The following FOXN2 variants were observed in gnomAD, a reference collection of about 807,000 sequenced individuals.
FOXN2 encodes the protein forkhead box protein N2.
A neutral mutation model predicts 41.2 loss-of-function variants in FOXN2; 19 were observed. That is an observed-to-expected ratio of 0.46 (90% CI 0.32 to 0.68). The LOEUF (loss-of-function observed/expected upper bound fraction) is 0.68. FOXN2 is among the 30% of genes least tolerant of loss of function. FOXN2 has a pLI of 0.03. For synonymous variants in FOXN2, 195 were observed against 176.8 expected, an observed-to-expected ratio of 1.10 and a Z score of -0.82; for missense variants, 587 against 509.4, an observed-to-expected ratio of 1.15 and a Z score of -1.47.
chr2:48,314,445 A>AC (rs1285987142), upstream of FOXN2, among the ~76,000 whole-genome samples: 1 of 150,380 alleles, frequency 6.6e-6, no homozygotes, highest in Non-Finnish European at 1.5e-5. Context: ...CCTGCATTTC[A>AC]CCCCCACCCC....
At chr2:48,334,474 A>G (rs1231482107) in intron 2 of FOXN2, among the ~76,000 whole-genome samples, 3 of 144,232 alleles carry the variant, frequency 2.1e-5, no homozygotes, top group Admixed American at 1.4e-4. Context: ...TCAGAAACTA[A>G]TGTAAACATC....
At chr2:48,324,529 T>A (rs1028940578) in intron 1 of FOXN2, among the ~76,000 whole-genome samples, 3 of 152,218 alleles carry the variant, frequency 2.0e-5, no homozygotes, top group African/African-American at 7.2e-5. Context: ...TCATGTAGTT[T>A]GATTAAAATG....
At chr2:48,333,419 T>A (rs1572712260) in intron 2 of FOXN2, among the ~76,000 whole-genome samples, 1 of 152,176 alleles carries the variant, frequency 6.6e-6, no homozygotes, top group African/African-American at 2.4e-5. Context: ...TACATTTAGG[T>A]ACTTCTGACA....
rs772517400 is a variant in FOXN2 at position 48,346,350 on chromosome 2, C to G, written c.136C>G (p.Leu46Val). 6 of 1,614,200 alleles carry G rather than the reference C, an allele frequency of 3.7e-6. No individual in the cohort carries two copies. In the East Asian group the frequency reaches 8.9e-5, roughly 24 times the overall value. Residue 46 changes from leucine (L) to valine (V), a missense_variant, in exon 3 of 7, where the codon CTA becomes GTA. Transcript: ENST00000340553. ...AVDAARPKAT[L>V]VDSESADDEL... Reference sequence around the variant, plus strand: ...TGATGCTGCCAGGCCGAAGGCCACTCTAGTGGACAGTGAGTCAGCAGATGA... The same window carrying G: ...TGATGCTGCCAGGCCGAAGGCCACTGTAGTGGACAGTGAGTCAGCAGATGA...
In FOXN2 at chr2:48,374,644, G is replaced by T. The variant is rs533370660; in HGVS notation, c.773-276G>T. ...CTAAATATTAACACGGAAGTGATTA[G>T]CTAAACAGTGGTACATTCATATTGA... On this transcript the variant is annotated intron_variant, in intron 6 of 6. Coordinates refer to ENST00000340553, the MANE Select transcript of FOXN2 (RefSeq NM_002158.4). 2.2e-3 allele frequency among the ~76,000 whole-genome samples: 337 copies of T among 152,306 alleles called. 1 individual carries two copies. Among genetic ancestry groups the T allele is most frequent in the Non-Finnish European group, 3.6e-3 (246 of 68,018 alleles).
intron 3 of FOXN2, among the ~76,000 whole-genome samples, chr2:48,353,187 A>C (rs1671563534): frequency 6.6e-6 from 1 of 152,182 alleles, no homozygotes; most frequent in Admixed American, 6.5e-5. Flanking sequence ...ATGGTTTTCA[A>C]GACCCTCCCC....
intron 2 of FOXN2, among the ~76,000 whole-genome samples, chr2:48,343,504 A>G (rs1424132769): frequency 6.6e-6 from 1 of 152,222 alleles, no homozygotes; most frequent in Admixed American, 6.5e-5. Flanking sequence ...CATGCCTGTA[A>G]TCCCAACACT....
At chr2:48,372,706 TATAAATTTGTCGTAC>T (rs746097419) in intron 5 of FOXN2, among the ~76,000 whole-genome samples, 13 of 152,132 alleles carry the variant, frequency 8.5e-5, no homozygotes, top group Non-Finnish European at 1.3e-4. Flanking sequence ...ATGAATATTA[TATAAATTTGTCGTAC>T]ATGTAGGCTT....
chr2:48,360,625 T>G (rs1439494847), intron 4 of FOXN2, among the ~76,000 whole-genome samples: 5 of 152,218 alleles, frequency 3.3e-5, no homozygotes, highest in Non-Finnish European at 2.9e-5. Flanking sequence ...TTTATCTTTA[T>G]GAAATGAAAC....
chr2:48,329,830 T>C (rs993270157), intron 2 of FOXN2, among the ~76,000 whole-genome samples: 1 of 152,144 alleles, frequency 6.6e-6, no homozygotes, highest in Non-Finnish European at 1.5e-5. Context: ...TCCTTCCTTT[T>C]ATATGCCTTT....
chr2:48,315,314 A>G (rs1392092957), intron 1 of FOXN2, among the ~76,000 whole-genome samples: 1 of 152,056 alleles, frequency 6.6e-6, no homozygotes, highest in South Asian at 2.1e-4. Context: ...GTCCGGCCCC[A>G]GTTGGGACTG....
At chr2:48,315,718 ACCCCC>A (rs1668866544) in intron 1 of FOXN2, among the ~76,000 whole-genome samples, 1 of 149,566 alleles carries the variant, frequency 6.7e-6, no homozygotes, top group Non-Finnish European at 1.5e-5. Flanking sequence ...ACTTAACTCC[ACCCCC>A]TTTTGCACCT....
At chr2:48,332,957 G>T (rs901027905) in intron 2 of FOXN2, among the ~76,000 whole-genome samples, 38 of 152,124 alleles carry the variant, frequency 2.5e-4, no homozygotes, top group African/African-American at 8.9e-4. Flanking sequence ...CTCCAGATGT[G>T]ATTAATATCA....
chr2:48,368,061 C>T (rs962487025), intron 5 of FOXN2, among the ~76,000 whole-genome samples: 2 of 152,080 alleles, frequency 1.3e-5, no homozygotes. Context: ...AGGCTGGTCT[C>T]GAGCTCCTGA....
At chr2:48,372,247 G>A (rs1672951141) in intron 5 of FOXN2, among the ~76,000 whole-genome samples, 1 of 152,162 alleles carries the variant, frequency 6.6e-6, no homozygotes, top group African/African-American at 2.4e-5. Flanking sequence ...ATTTACTTAA[G>A]CCTGTTAGTG....
intron 3 of FOXN2, among the ~76,000 whole-genome samples, chr2:48,356,929 G>T (rs1437282813): frequency 6.6e-6 from 1 of 152,144 alleles, no homozygotes; most frequent in African/African-American, 2.4e-5. Context: ...TCCTGTTTCC[G>T]TAGCACAGAA....
At chr2:48,326,430 G>C (rs1317236465) in intron 1 of FOXN2, among the ~76,000 whole-genome samples, 1 of 152,174 alleles carries the variant, frequency 6.6e-6, no homozygotes, top group Non-Finnish European at 1.5e-5. Flanking sequence ...AAGCAGGTAA[G>C]GGACATTGCT....
At chr2:48,373,470 A>G (rs1336556687) in intron 6 of FOXN2, 110 bp downstream of exon 6, 8 of 653,928 alleles carry the variant, frequency 1.2e-5, no homozygotes, top group Non-Finnish European at 2.1e-5. Flanking sequence ...ACCAAATTGT[A>G]TTTTGATCTG....
intron 2 of FOXN2, among the ~76,000 whole-genome samples, chr2:48,331,311 T>C (rs6545033): frequency 0.12 from 18,659 of 152,086 alleles, 1,354 homozygotes; most frequent in African/African-American, 0.2. Context: ...AAACAATTAT[T>C]TAGAAACAAC....
Sources: gnomAD v4.1 joint callset for allele counts (sites outside exome capture counted in the v4.1 genomes callset) on GRCh38, gnomAD v4.1.1 for gene constraint, MANE v1.5 for transcripts, NCBI Gene and HGNC (gene_info 2026-07-23, HGNC 2026-07-21) for gene names.